Variants in PCDH9 observed in about 807,000 individuals in gnomAD.
PCDH9 encodes protocadherin-9.
A neutral mutation model predicts 70.6 loss-of-function variants in PCDH9; 24 were observed. That is an observed-to-expected ratio of 0.34 (90% CI 0.25 to 0.48). The LOEUF (loss-of-function observed/expected upper bound fraction) is 0.48. Ranked by LOEUF, PCDH9 falls within the 20% of genes least tolerant of loss-of-function variation. The probability of loss-of-function intolerance (pLI) is 0.99; values close to 1 mark genes in which losing one functional copy is unlikely to be tolerated. For synonymous variants in PCDH9, 562 were observed against 558.5 expected (o/e 1.01, Z -0.09); for missense variants, 1,281 against 1,503.6 (o/e 0.85, Z 2.45).
At chr13:66,780,071 G>A (rs1238564417) in intron 3 of PCDH9, among the ~76,000 whole-genome samples, 1 of 151,588 alleles carries the variant, frequency 6.6e-6, no homozygotes, top group African/African-American at 2.4e-5. Flanking sequence ...ACTGTGTATG[G>A]GATTCATTGT....
At chr13:66,485,544 A>G (rs1054758618) in intron 4 of PCDH9, among the ~76,000 whole-genome samples, 1 of 152,132 alleles carries the variant, frequency 6.6e-6, no homozygotes, top group African/African-American at 2.4e-5. Flanking sequence ...TATTCAAGGG[A>G]GAAATAAGAA....
At position 67,002,856 on chromosome 13, in the gene PCDH9, G is replaced by A. The variant is rs547180964; in HGVS notation, c.3037-99251C>T. Among the ~76,000 whole-genome samples, 15 of 151,882 alleles carry A rather than the reference G, an allele frequency of 9.9e-5. No individual in the cohort carries two copies. In the East Asian group the frequency reaches 1.4e-3, roughly 14 times the overall value. On this transcript the variant is annotated intron_variant, in intron 2 of 4. Coordinates refer to ENST00000377865, the MANE Select transcript of PCDH9 (RefSeq NM_203487.3). The stretch of plus-strand genomic sequence containing the variant: ...ATATTGACCAGTCCATTAATTATCA[G>A]GCTATCTGATCTAGTTCTTTTATTT...
intron 3 of PCDH9, among the ~76,000 whole-genome samples, chr13:66,770,660 T>C (rs991283122): frequency 1.3e-5 from 2 of 152,184 alleles, no homozygotes; most frequent in East Asian, 3.9e-4. Context: ...AAGTCATCAA[T>C]GGACTGTTCT....
At chr13:66,895,422 A>G (rs749801759) in intron 3 of PCDH9, among the ~76,000 whole-genome samples, 3 of 152,178 alleles carry the variant, frequency 2.0e-5, no homozygotes, top group African/African-American at 4.8e-5. Context: ...CTTCTCACAT[A>G]TATGTGGATG....
intron 3 of PCDH9, among the ~76,000 whole-genome samples, chr13:66,871,383 T>TATAATA (rs1382164474): frequency 6.7e-6 from 1 of 150,034 alleles, no homozygotes; most frequent in Non-Finnish European, 1.5e-5. Flanking sequence ...AAACTTAAAG[T>TATAATA]ATAATAATAA....
chr13:67,074,148 T>C (rs1215211292), intron 2 of PCDH9, among the ~76,000 whole-genome samples: 1 of 152,090 alleles, frequency 6.6e-6, no homozygotes, highest in Non-Finnish European at 1.5e-5. Flanking sequence ...CTTACTGCTA[T>C]AGACTGAATG....
Position 67,146,122 on chromosome 13 carries a change from C to T in PCDH9, c.3036+79283G>A, listed in dbSNP as rs150111046. 3.0e-4 allele frequency among the ~76,000 whole-genome samples: 45 copies of T among 152,122 alleles called. 1 individual carries two copies. Among genetic ancestry groups the T allele is most frequent in the Non-Finnish European group, 4.1e-4 (28 of 67,928 alleles). On this transcript the variant is annotated intron_variant, in intron 2 of 4. Coordinates refer to ENST00000377865, the MANE Select transcript of PCDH9 (RefSeq NM_203487.3). ...GAAATAGTCCACGTTTCATTTCAGT[C>T]AACATAAAATGACATTGAAATGTCT... is the stretch of plus-strand genomic sequence containing the variant.
At chr13:67,057,098 T>G (rs1198435204) in intron 2 of PCDH9, among the ~76,000 whole-genome samples, 1 of 152,168 alleles carries the variant, frequency 6.6e-6, no homozygotes, top group Non-Finnish European at 1.5e-5. Context: ...AAAGATTGGC[T>G]CATTTGAAAA....
chr13:67,148,389 A>T (rs2087575474), intron 2 of PCDH9, among the ~76,000 whole-genome samples: 1 of 151,966 alleles, frequency 6.6e-6, no homozygotes, highest in African/African-American at 2.4e-5. Context: ...TTTACAGCTG[A>T]TGTACACTGG....
intron 2 of PCDH9, among the ~76,000 whole-genome samples, chr13:67,100,316 G>A (rs1305627653): frequency 6.6e-6 from 1 of 152,098 alleles, no homozygotes; most frequent in African/African-American, 2.4e-5. Flanking sequence ...AGTATGTACT[G>A]GGGACTGTGC....
intron 2 of PCDH9, among the ~76,000 whole-genome samples, chr13:67,110,601 G>A (rs1376899259): frequency 1.3e-5 from 2 of 151,638 alleles, no homozygotes; most frequent in African/African-American, 2.4e-5. Flanking sequence ...ATTCTTAATG[G>A]TGGATGATTA....
Position 66,303,800 on chromosome 13 carries a change from T to C in PCDH9, c.*855A>G, listed in dbSNP as rs1461637481. 6.6e-6 allele frequency: 1 copy of C among 152,172 alleles called. No individual in the cohort carries two copies. The highest frequency in any genetic ancestry group is 1.5e-5 in the Non-Finnish European group (1 of 67,990). 9.4% of individuals were successfully genotyped at this position (152,172 alleles called of 1,614,324 possible). A position where few individuals can be genotyped will look rare whatever the true frequency, so the allele number is the denominator to read the frequency against. On this transcript the variant is annotated 3_prime_UTR_variant, in exon 5 of 5. Transcript: ENST00000377865. ...AAAAATAGGTTCTGAATTTCCAAGC[T>C]TTTGCAGAAGTCCTTTTTTGTATAA...
chr13:66,773,252 T>C (rs2079837003), intron 3 of PCDH9, among the ~76,000 whole-genome samples: 1 of 152,180 alleles, frequency 6.6e-6, no homozygotes, highest in Admixed American at 6.5e-5. Context: ...ATATATGTGC[T>C]CTCCAATACA....
intron 3 of PCDH9, among the ~76,000 whole-genome samples, chr13:66,769,255 A>G (rs1042801120): frequency 3.9e-5 from 6 of 152,148 alleles, no homozygotes; most frequent in African/African-American, 4.8e-5. Context: ...AGACCTAATT[A>G]AGAGGAGGCC....
At chr13:66,672,706 G>A (rs2078193008) in intron 3 of PCDH9, among the ~76,000 whole-genome samples, 4 of 152,214 alleles carry the variant, frequency 2.6e-5, no homozygotes, top group African/African-American at 9.6e-5. Context: ...CAAGACCATG[G>A]GAACCCACCT....
In PCDH9 at chr13:66,339,320, C is replaced by T. The variant is rs116237638; in HGVS notation, c.3341-34292G>A. ...GAATACCCATTTTTAAGACATTACA[C>T]TCAATGGCAGATGAGCCCTTTCTCT... On this transcript the variant is annotated intron_variant, in intron 4 of 4. Coordinates refer to ENST00000377865, the MANE Select transcript of PCDH9 (RefSeq NM_203487.3). Among the ~76,000 whole-genome samples, 1,049 of 152,096 alleles carry T rather than the reference C, an allele frequency of 6.9e-3. 10 individuals are homozygous for T. The highest frequency in any genetic ancestry group is 0.024 in the African/African-American group (993 of 41,522).
At chr13:66,774,474 G>A (rs917377980) in intron 3 of PCDH9, among the ~76,000 whole-genome samples, 1 of 151,974 alleles carries the variant, frequency 6.6e-6, no homozygotes, top group African/African-American at 2.4e-5. Context: ...AACTCTGGAG[G>A]GAACTCATCA....
intron 2 of PCDH9, chr13:67,212,336 A>G (rs2089485208): frequency 6.6e-6 from 1 of 152,116 alleles, no homozygotes; most frequent in Admixed American, 6.6e-5. Context: ...CATCTATTTA[A>G]AATTGAGAGT....
At chr13:66,425,329 C>T (rs1957649955) in intron 4 of PCDH9, among the ~76,000 whole-genome samples, 1 of 151,566 alleles carries the variant, frequency 6.6e-6, no homozygotes, top group South Asian at 2.1e-4. Context: ...TTTAACCAAG[C>T]AGCAGACATA....
Sources: gnomAD v4.1 joint callset for allele counts (sites outside exome capture counted in the v4.1 genomes callset) on GRCh38, gnomAD v4.1.1 for gene constraint, MANE v1.5 for transcripts, NCBI Gene and HGNC (gene_info 2026-07-23, HGNC 2026-07-21) for gene names.